The following MXRA7 variants were observed in gnomAD, a reference collection of about 807,000 sequenced individuals.
MXRA7 encodes the protein matrix-remodeling-associated protein 7.
A neutral mutation model predicts 17.4 loss-of-function variants in MXRA7; 18 were observed. The ratio of observed to expected loss-of-function variants is 1.03; its 90% CI spans 0.71 to 1.53. The LOEUF is 1.53. Ranked by LOEUF, MXRA7 falls within the 40% of genes most tolerant of loss-of-function variation. The pLI, the probability that MXRA7 is intolerant of heterozygous loss-of-function variation, is 0.00. For synonymous variants in MXRA7, 70 were observed against 101.7 expected (o/e 0.69, Z 1.87); for missense variants, 141 against 209.3 (o/e 0.67, Z 2.01).
intron 1 of MXRA7, chr17:76,690,143 T>G (rs2076463370): frequency 6.6e-6 from 1 of 151,556 alleles, no homozygotes; most frequent in South Asian, 2.1e-4. Flanking sequence ...AATGGCAAAG[T>G]GGAAATGCAC....
At chr17:76,680,951 G>A (rs1311467833) in intron 3 of MXRA7, 72 bp from the exon 4 acceptor site, 2 of 1,213,644 alleles carry the variant, frequency 1.6e-6, no homozygotes, top group Non-Finnish European at 2.4e-6. Context: ...GCAAGGAAAG[G>A]GGGAAATGGG....
intron 3 of MXRA7, chr17:76,684,603 C>T: frequency 2.6e-6 from 1 of 382,350 alleles, no homozygotes; most frequent in Non-Finnish European, 5.1e-6. Context: ...CTGCCCGGAG[C>T]TACAAGGCGC....
At chr17:76,685,042 C>A in intron 3 of MXRA7, 30 bp downstream of exon 3, 1 of 1,594,152 alleles carries the variant, frequency 6.3e-7, no homozygotes, top group Non-Finnish European at 8.6e-7. Flanking sequence ...CAAGAGCCCG[C>A]CAGGCGCCAG....
chr17:76,697,143 T>C (rs980706855), intron 1 of MXRA7, among the ~76,000 whole-genome samples: 3 of 151,984 alleles, frequency 2.0e-5, no homozygotes, highest in South Asian at 2.1e-4. Context: ...AAAGAGGTGA[T>C]TAAGTTAAAA....
chr17:76,710,761 G>C lies in MXRA7; in HGVS notation c.186C>G (p.Pro62=). The change falls in exon 1 of 4, where the codon CCC becomes CCG. Residue 62 remains proline (P), a synonymous_variant. Coordinates refer to ENST00000449428, the MANE Select transcript of MXRA7 (RefSeq NM_198530.4). ...GAPAPSRPCA[P]EPAASPAGPE... ...GCCCCGCGGGCGAGGCCGCCGGCTCGGGGGCGCAGGGGCGGGACGGCGCCG... is the reference window on the plus strand; with the variant it reads ...GCCCCGCGGGCGAGGCCGCCGGCTCCGGGGCGCAGGGGCGGGACGGCGCCG... 1 of 1,058,428 alleles carries C rather than the reference G, an allele frequency of 9.4e-7. No individual in the cohort carries two copies. The highest frequency in any genetic ancestry group is 1.2e-6 in the Non-Finnish European group (1 of 862,536). 65.6% of individuals were successfully genotyped at this position (1,058,428 alleles called of 1,614,324 possible).
chr17:76,705,631 G>A (rs1045491277), intron 1 of MXRA7, among the ~76,000 whole-genome samples: 3 of 152,114 alleles, frequency 2.0e-5, no homozygotes, highest in African/African-American at 7.2e-5. Flanking sequence ...TCACGATGGT[G>A]GAGTCCCTAC....
downstream of MXRA7, among the ~76,000 whole-genome samples, chr17:76,677,966 T>G (rs1368780531): frequency 2.0e-5 from 3 of 152,144 alleles, no homozygotes; most frequent in Non-Finnish European, 2.9e-5. Flanking sequence ...CAGGTATCAC[T>G]TAGGTGCTCT....
downstream of MXRA7, chr17:76,677,559 A>G (rs758229098): frequency 2.7e-6 from 4 of 1,506,282 alleles, no homozygotes; most frequent in Non-Finnish European, 3.7e-6. Context: ...AGCATCAGGC[A>G]TGGCCGCTGT....
chr17:76,698,710 CT>C (rs1232734707), intron 1 of MXRA7, among the ~76,000 whole-genome samples: 1 of 91,050 alleles, frequency 1.1e-5, no homozygotes, highest in Non-Finnish European at 2.1e-5. Flanking sequence ...TCCTTCCTTT[CT>C]GTTTTTTTTT....
intron 3 of MXRA7, among the ~76,000 whole-genome samples, chr17:76,682,413 T>C (rs906901545): frequency 2.6e-5 from 4 of 152,138 alleles, no homozygotes; most frequent in Non-Finnish European, 5.9e-5. Context: ...CCTGTGGTTT[T>C]AGTGGTTTGA....
chr17:76,698,809 G>A (rs1284280136), intron 1 of MXRA7, among the ~76,000 whole-genome samples: 9 of 129,720 alleles, frequency 6.9e-5, no homozygotes. Context: ...TGCAACCTCC[G>A]CCTCCCGGGT....
intron 3 of MXRA7, among the ~76,000 whole-genome samples, chr17:76,683,227 T>C (rs528056953): frequency 6.6e-6 from 1 of 152,086 alleles, no homozygotes; most frequent in Non-Finnish European, 1.5e-5. Flanking sequence ...CTACTTAGAT[T>C]TGGGGGGCTG....
At chr17:76,688,520 C>A in intron 1 of MXRA7, 1 of 1,297,068 alleles carries the variant, frequency 7.7e-7, no homozygotes, top group Non-Finnish European at 9.7e-7. Flanking sequence ...GGCCAGCAGA[C>A]AAAGGGTGCA....
chr17:76,704,637 T>C (rs2076635163), intron 1 of MXRA7, among the ~76,000 whole-genome samples: 1 of 151,390 alleles, frequency 6.6e-6, no homozygotes, highest in African/African-American at 2.4e-5. Flanking sequence ...ATACAAAAAT[T>C]AGCCAAGCAT....
intron 1 of MXRA7, among the ~76,000 whole-genome samples, chr17:76,698,270 G>A (rs774300076): frequency 6.6e-5 from 10 of 152,190 alleles, no homozygotes; most frequent in African/African-American, 1.9e-4. Context: ...AGAATGGGCC[G>A]GGCCCAGGGC....
At chr17:76,701,490 G>C (rs1252625206) in intron 1 of MXRA7, among the ~76,000 whole-genome samples, 1 of 152,070 alleles carries the variant, frequency 6.6e-6, no homozygotes, top group Non-Finnish European at 1.5e-5. Context: ...GGCGAGAGCT[G>C]GGCGTATAGA....
At chr17:76,703,717 T>C (rs965397887) in intron 1 of MXRA7, 1 of 150,422 alleles carries the variant, frequency 6.6e-6, no homozygotes, top group Non-Finnish European at 1.5e-5. Flanking sequence ...CCCAACACCA[T>C]TGGACCAGCT....
downstream of MXRA7, among the ~76,000 whole-genome samples, chr17:76,679,107 C>G (rs1216342356): frequency 6.6e-6 from 1 of 151,978 alleles, no homozygotes; most frequent in Non-Finnish European, 1.5e-5. Flanking sequence ...CCAGCCTGAG[C>G]AACATAGTCA....
intron 1 of MXRA7, among the ~76,000 whole-genome samples, chr17:76,707,266 CA>C (rs760824119): frequency 2.5e-4 from 37 of 150,106 alleles, no homozygotes; most frequent in Non-Finnish European, 5.0e-4. Context: ...GACACCGGCC[CA>C]CTGCCTTGCA....
Sources: gnomAD v4.1 joint callset for allele counts (sites outside exome capture counted in the v4.1 genomes callset) on GRCh38, gnomAD v4.1.1 for gene constraint, MANE v1.5 for transcripts, NCBI Gene and HGNC (gene_info 2026-07-23, HGNC 2026-07-21) for gene names.